The following ANO2 variants were observed in gnomAD, a reference collection of about 807,000 sequenced individuals.
ANO2 encodes the protein anoctamin 2, also known as anoctamin-2.
A neutral mutation model predicts 124.2 loss-of-function variants in ANO2; 101 were observed. That is an observed-to-expected ratio of 0.81 (90% CI 0.69 to 0.96). The LOEUF (loss-of-function observed/expected upper bound fraction) is 0.96, where lower values mean the gene tolerates loss of function less well. Among genes scored for constraint, ANO2 ranks in the 40% least tolerant of loss-of-function variants. ANO2 has a pLI of 0.00. For missense variants in ANO2, 1,293 were observed against 1,274.5 expected (o/e 1.01, Z -0.22); for synonymous variants, 486 against 482.5 (o/e 1.01, Z -0.09).
intron 1 of ANO2, among the ~76,000 whole-genome samples, chr12:5,923,368 G>A (rs1238470912): frequency 6.6e-6 from 1 of 152,178 alleles, no homozygotes; most frequent in African/African-American, 2.4e-5. Context: ...GAAAGGGGTG[G>A]CATTGAGCAA....
intron 3 of ANO2, among the ~76,000 whole-genome samples, chr12:5,857,812 A>G (rs1565728079): frequency 6.6e-6 from 1 of 150,888 alleles, no homozygotes; most frequent in Non-Finnish European, 1.5e-5. Flanking sequence ...ATAGATAGAT[A>G]GATAGATGCC....
chr12:5,802,205 C>T (rs969853972), intron 9 of ANO2, among the ~76,000 whole-genome samples: 2 of 152,246 alleles, frequency 1.3e-5, no homozygotes, highest in African/African-American at 4.8e-5. Flanking sequence ...CCCAGATCTG[C>T]TGAAAGAGAC....
At chr12:5,827,643 C>T in intron 7 of ANO2, 126 bp downstream of exon 7, 8 of 1,146,892 alleles carry the variant, frequency 7.0e-6, no homozygotes, top group Non-Finnish European at 1.0e-5. Flanking sequence ...CCAAGCTAAG[C>T]AGCCTCTCCG....
intron 5 of ANO2, among the ~76,000 whole-genome samples, chr12:5,831,881 A>G (rs1954164051): frequency 6.6e-6 from 1 of 152,090 alleles, no homozygotes; most frequent in Non-Finnish European, 1.5e-5. Flanking sequence ...TGGCGGCTGC[A>G]TCTCCCACTT....
intron 11 of ANO2, among the ~76,000 whole-genome samples, chr12:5,750,514 A>G (rs1181493953): frequency 1.3e-5 from 2 of 152,214 alleles, no homozygotes; most frequent in Non-Finnish European, 2.9e-5. Context: ...TGAAGTGGAG[A>G]GAGAGAGGAA....
intron 13 of ANO2, among the ~76,000 whole-genome samples, chr12:5,734,415 A>G (rs1950769813): frequency 6.6e-6 from 1 of 152,220 alleles, no homozygotes; most frequent in South Asian, 2.1e-4. Flanking sequence ...TGAGTTCCAG[A>G]ACATGGGTTC....
intron 14 of ANO2, among the ~76,000 whole-genome samples, chr12:5,697,205 A>C (rs1055020867): frequency 9.2e-5 from 14 of 152,148 alleles, no homozygotes; most frequent in Non-Finnish European, 1.5e-4. Flanking sequence ...AGGCCGAGGC[A>C]GGCAGATCAC....
Position 5,615,221 on chromosome 12 carries a change from G to GCT in ANO2, c.1892_1893insAG (p.Tyr631Ter), listed in dbSNP as rs1260679075. ...KAFLLKFVNA[Y>*]SPIFYVAFFK... ...AAAAGGCCACATAGAAGATGGGGGA[G>GCT]TAGGCATTGACAAACTTGAGCAAGA... is the stretch of plus-strand genomic sequence containing the variant. Residue 631 changes from tyrosine to a stop codon, truncating the protein, a stop_gained and frameshift_variant, in exon 17 of 25, where the codon TAC becomes TAAGC. Transcript: ENST00000682330. LOFTEE classifies it high-confidence loss of function. 1 of 1,613,758 alleles carries GCT rather than the reference G, an allele frequency of 6.2e-7. No homozygotes were observed. Among genetic ancestry groups the GCT allele is most frequent in the South Asian group, 1.1e-5 (1 of 90,996 alleles).
chr12:5,563,650 T>C, intron 24 of ANO2, 82 bp from the exon 25 acceptor site: 1 of 1,546,268 alleles, frequency 6.5e-7, no homozygotes, highest in Non-Finnish European at 8.8e-7. Context: ...AATGCCTCTG[T>C]GTCAATCCTG....
At chr12:5,731,887 C>G (rs911290709) in intron 14 of ANO2, among the ~76,000 whole-genome samples, 9 of 151,968 alleles carry the variant, frequency 5.9e-5, no homozygotes, top group Non-Finnish European at 1.3e-4. Context: ...ATGTATTTGC[C>G]ACTGCAGGCC....
chr12:5,625,927 G>A (rs1418644535), intron 16 of ANO2, among the ~76,000 whole-genome samples: 1 of 152,096 alleles, frequency 6.6e-6, no homozygotes, highest in Non-Finnish European at 1.5e-5. Context: ...TTCATAAAAT[G>A]GTACCTTCCT....
rs184459317 is a variant in ANO2 at position 5,905,722 on chromosome 12, G to A, written c.534+15318C>T. ...ACCTTGGAATCTGCCCAATGGCACA[G>A]AGCCAGAGAGGGTTGAAAGAAAGAA... is the stretch of plus-strand genomic sequence containing the variant. On this transcript the variant is annotated intron_variant, in intron 3 of 24. Coordinates refer to ENST00000682330, the MANE Select transcript of ANO2 (RefSeq NM_001364791.2). Among the ~76,000 whole-genome samples the A allele has an allele frequency of 3.5e-3, 538 of 152,308 alleles. 4 individuals are homozygous for A. Among genetic ancestry groups the A allele is most frequent in the African/African-American group, 0.013 (524 of 41,576 alleles).
chr12:5,601,136 G>C (rs1943919699), intron 19 of ANO2, among the ~76,000 whole-genome samples: 1 of 151,990 alleles, frequency 6.6e-6, no homozygotes, highest in Non-Finnish European at 1.5e-5. Flanking sequence ...ATAAGCTTTA[G>C]TTTTCTTATC....
At chr12:5,930,404 G>C (rs547789776) in intron 1 of ANO2, among the ~76,000 whole-genome samples, 46 of 152,264 alleles carry the variant, frequency 3.0e-4, no homozygotes, top group African/African-American at 1.1e-3. Context: ...GGGGTATAGG[G>C]GGAAGGCCAG....
intron 14 of ANO2, among the ~76,000 whole-genome samples, chr12:5,659,367 G>T (rs1412057800): frequency 6.6e-6 from 1 of 152,122 alleles, no homozygotes; most frequent in Non-Finnish European, 1.5e-5. Context: ...AAATGGTCTT[G>T]CTCCCCACAG....
At chr12:5,875,337 C>T (rs138125402) in intron 3 of ANO2, among the ~76,000 whole-genome samples, 3 of 152,340 alleles carry the variant, frequency 2.0e-5, no homozygotes, top group African/African-American at 7.2e-5. Flanking sequence ...TTGGATGATA[C>T]CTGCCAGAGA....
At position 5,826,187 on chromosome 12, in the gene ANO2, G is replaced by A. The variant is rs186590964; in HGVS notation, c.892+1582C>T. Among the ~76,000 whole-genome samples the A allele has an allele frequency of 3.9e-3, 601 of 152,164 alleles. 5 individuals carry two copies. The highest frequency in any genetic ancestry group is 0.024 in the Middle Eastern group (7 of 294). On this transcript the variant is annotated intron_variant, in intron 7 of 24. Coordinates refer to ENST00000682330, the MANE Select transcript of ANO2 (RefSeq NM_001364791.2). Reference sequence around the variant, plus strand: ...TTGGATTGGGGATGAGTGCATTTCCGGTTGTACGAAGGATAGTTGTATTAC... The same window carrying A: ...TTGGATTGGGGATGAGTGCATTTCCAGTTGTACGAAGGATAGTTGTATTAC...
At chr12:5,832,414 C>T in intron 5 of ANO2, 38 bp downstream of exon 5, 1 of 1,611,816 alleles carries the variant, frequency 6.2e-7, no homozygotes, top group Non-Finnish European at 8.5e-7. Context: ...CCTTCCTATC[C>T]CTTCCCACAT....
Position 5,908,029 on chromosome 12 carries a change from C to A in ANO2, c.534+13011G>T, listed in dbSNP as rs934656895. Among the ~76,000 whole-genome samples the A allele has an allele frequency of 2.8e-4, 42 of 152,272 alleles. No homozygotes were observed. Among genetic ancestry groups the A allele is most frequent in the African/African-American group, 9.9e-4 (41 of 41,482 alleles). ...AATGCACCGTGAGAGCAGTACATAG[C>A]AACACACACAAACTCGTAACCACGC... is the stretch of plus-strand genomic sequence containing the variant. On this transcript the variant is annotated intron_variant, in intron 3 of 24. Coordinates refer to ENST00000682330, the MANE Select transcript of ANO2 (RefSeq NM_001364791.2). This position sits in a 1 kb window ranked among gnomAD's most constrained non-coding sequence, Gnocchi z 4.7.
Sources: allele counts gnomAD v4.1 joint callset (sites outside exome capture counted in the v4.1 genomes callset), GRCh38; gene constraint gnomAD v4.1.1; non-coding constraint Gnocchi (gnomAD v3.1); transcripts MANE v1.5; gene names NCBI Gene and HGNC (gene_info 2026-07-23, HGNC 2026-07-21).